The following SASH1 variants were observed in gnomAD, a reference collection of about 807,000 sequenced individuals.
The protein encoded by SASH1 is SAM and SH3 domain containing 1, also known as SAM and SH3 domain-containing protein 1.
In SASH1, 44 loss-of-function variants were observed where a neutral mutation model predicts 125.2. That is an observed-to-expected ratio of 0.35 (90% confidence interval 0.28 to 0.45). The LOEUF (loss-of-function observed/expected upper bound fraction) is 0.45, where lower values mean the gene tolerates loss of function less well. Ranked by LOEUF, SASH1 falls within the 20% of genes least tolerant of loss-of-function variation. The pLI is 1.00. For missense variants in SASH1, 1,426 were observed against 1,614.5 expected, an observed-to-expected ratio of 0.88 and a Z score of 2.00; for synonymous variants, 639 against 649.1, an observed-to-expected ratio of 0.98 and a Z score of 0.24.
chr6:148,546,023 C>T lies in SASH1; in HGVS notation c.3357C>T (p.Arg1119=). 1 of 1,613,532 alleles carries T rather than the reference C, an allele frequency of 6.2e-7. No homozygotes were observed. The highest frequency in any genetic ancestry group is 1.1e-5 in the South Asian group (1 of 90,936). The change falls in exon 19 of 20, where the codon CGC becomes CGT. Residue 1119 remains arginine, a synonymous_variant. Transcript: ENST00000367467. ...TEEPYSDKHG[R]CGIPEALVQR... ...CCTGTTCTCCCTGGCAGCATGGCCG[C>T]TGTGGGATTCCTGAAGCCCTGGTGC... is the stretch of plus-strand genomic sequence containing the variant.
intron 11 of SASH1, among the ~76,000 whole-genome samples, chr6:148,526,170 TCTC>T (rs1345239066): frequency 1.3e-5 from 2 of 148,786 alleles, no homozygotes; most frequent in Non-Finnish European, 3.0e-5. Context: ...GTTAAGCAAT[TCTC>T]CTGCCTCAGC....
chr6:148,307,088 C>CTTTCT (rs1562316684), intron 1 of SASH1, among the ~76,000 whole-genome samples: 1 of 137,986 alleles, frequency 7.2e-6, no homozygotes, highest in South Asian at 2.2e-4. Flanking sequence ...TTCTTTCTTT[C>CTTTCT]TTTCTTTCTC....
At chr6:148,270,904 CTT>C (rs780443533), upstream of SASH1, among the ~76,000 whole-genome samples, 33 of 127,608 alleles carry the variant, frequency 2.6e-4, no homozygotes, top group African/African-American at 7.4e-4. Flanking sequence ...TCATCCACAA[CTT>C]TTTTTTTTTT....
chr6:148,540,005 G>A (rs1167145091), intron 16 of SASH1, among the ~76,000 whole-genome samples: 1 of 152,118 alleles, frequency 6.6e-6, no homozygotes, highest in Non-Finnish European at 1.5e-5. Flanking sequence ...CTGTCTTCAA[G>A]CACAAGTCTT....
intron 4 of SASH1, among the ~76,000 whole-genome samples, chr6:148,448,483 T>C (rs533111655): frequency 2.0e-5 from 3 of 152,286 alleles, no homozygotes; most frequent in South Asian, 2.1e-4. Flanking sequence ...CCCTGTTGCA[T>C]TGGGTCCTGC....
chr6:148,304,503 A>G (rs1473014547), intron 1 of SASH1, among the ~76,000 whole-genome samples: 1 of 150,578 alleles, frequency 6.6e-6, no homozygotes, highest in Non-Finnish European at 1.5e-5. Context: ...CCTAGCTACT[A>G]GGGAGGGTGA....
rs1583292845 is a variant in SASH1, at chr6:148,519,927, C to G, written c.1209+34C>G. ...GGATGGTGTTTGCTTCTATGACAAC[C>G]ACCGTCGCAGGCACCACCTTCTGGT... On this transcript the variant is annotated intron_variant, in intron 10 of 19. Coordinates refer to ENST00000367467, the MANE Select transcript of SASH1 (RefSeq NM_015278.5). This position sits in a 1 kb window ranked among gnomAD's most constrained non-coding sequence, Gnocchi z 4.8. 4.1e-6 allele frequency: 6 copies of G among 1,449,520 alleles called. No individual in the cohort carries two copies. Among genetic ancestry groups the G allele is most frequent in the Non-Finnish European group, 5.6e-6 (6 of 1,077,552 alleles). The allele number at this position is 1,449,520 out of a possible 1,614,324, so 89.8% of individuals were successfully genotyped here.
At chr6:148,274,655 T>C (rs982568502) in intron 1 of SASH1, among the ~76,000 whole-genome samples, 9 of 152,214 alleles carry the variant, frequency 5.9e-5, no homozygotes, top group Non-Finnish European at 1.2e-4. Context: ...TTGAAATCTA[T>C]AGAGACAGTT....
the SASH1 span, among the ~76,000 whole-genome samples, chr6:148,201,163 G>A: frequency 6.6e-6 from 1 of 152,158 alleles, no homozygotes; most frequent in African/African-American, 2.4e-5. Flanking sequence ...ATTTGACCTT[G>A]GACCACACTG....
chr6:148,526,583 CT>C (rs1404517046), intron 11 of SASH1, among the ~76,000 whole-genome samples: 1 of 152,074 alleles, frequency 6.6e-6, no homozygotes, highest in African/African-American at 2.4e-5. Context: ...TGCTGTCAAT[CT>C]TTTTTAGAAA....
the SASH1 span, among the ~76,000 whole-genome samples, chr6:148,248,803 G>A: frequency 1.3e-5 from 2 of 152,222 alleles, no homozygotes; most frequent in Non-Finnish European, 2.9e-5. Context: ...GACACTGTGA[G>A]AAAATCTGCT....
At chr6:148,455,950 G>T (rs556573258) in intron 4 of SASH1, among the ~76,000 whole-genome samples, 8 of 152,142 alleles carry the variant, frequency 5.3e-5, no homozygotes, top group South Asian at 2.1e-4. Flanking sequence ...CTCCCCTGCT[G>T]CCCCCAGGGC....
chr6:148,194,971 TGG>T, the SASH1 span, among the ~76,000 whole-genome samples: 2 of 152,254 alleles, frequency 1.3e-5, no homozygotes, highest in African/African-American at 4.8e-5. Context: ...ATATCTGAGC[TGG>T]TAAGCCATTC....
At chr6:148,311,848 T>A (rs1161480633) in intron 1 of SASH1, among the ~76,000 whole-genome samples, 1 of 152,124 alleles carries the variant, frequency 6.6e-6, no homozygotes, top group Non-Finnish European at 1.5e-5. Flanking sequence ...TCCTTGAATG[T>A]TTATCATGGC....
At chr6:148,446,085 G>GTTTTTTTTTT (rs1562416326) in intron 4 of SASH1, among the ~76,000 whole-genome samples, 1 of 108,864 alleles carries the variant, frequency 9.2e-6, no homozygotes. Context: ...ACAACATAGG[G>GTTTTTTTTTT]TTCTTTTTTT....
At chr6:148,446,980 T>A (rs1228893944) in intron 4 of SASH1, among the ~76,000 whole-genome samples, 1 of 152,208 alleles carries the variant, frequency 6.6e-6, no homozygotes, top group East Asian at 1.9e-4. Context: ...ATCGTGTTCG[T>A]TAGCATCAAA....
intron 2 of SASH1, among the ~76,000 whole-genome samples, chr6:148,430,360 C>G (rs917309349): frequency 6.6e-6 from 1 of 152,218 alleles, no homozygotes; most frequent in African/African-American, 2.4e-5. Flanking sequence ...TAGTCAGAGT[C>G]TCGCTCTGTC....
intron 16 of SASH1, among the ~76,000 whole-genome samples, chr6:148,540,024 C>G (rs955337422): frequency 1.3e-5 from 2 of 152,154 alleles, no homozygotes; most frequent in African/African-American, 4.8e-5. Flanking sequence ...TTACAGATCT[C>G]CGAAAAACAT....
intron 1 of SASH1, among the ~76,000 whole-genome samples, chr6:148,370,358 G>A (rs1259065224): frequency 6.6e-6 from 1 of 152,178 alleles, no homozygotes; most frequent in Non-Finnish European, 1.5e-5. Context: ...TGTGTGGAAA[G>A]TTTTGAAATA....
Sources: allele counts gnomAD v4.1 joint callset (sites outside exome capture counted in the v4.1 genomes callset), GRCh38; gene constraint gnomAD v4.1.1; non-coding constraint Gnocchi (gnomAD v3.1); transcripts MANE v1.5; gene names NCBI Gene and HGNC (gene_info 2026-07-23, HGNC 2026-07-21).